Variants in ZNF461 observed in about 807,000 individuals in gnomAD.
The protein encoded by ZNF461 is gonadotropin-inducible ovarian transcription factor-1.
In ZNF461, 16 loss-of-function variants were observed where a neutral mutation model predicts 18.3. That is an observed-to-expected ratio of 0.88 (90% CI 0.59 to 1.33). ZNF461 has a LOEUF of 1.33. ZNF461 is among the 40% of genes most tolerant of loss of function. The probability of loss-of-function intolerance (pLI) is 0.00; values close to 1 mark genes in which losing one functional copy is unlikely to be tolerated. For synonymous variants in ZNF461, 179 were observed against 216.9 expected (o/e 0.83, Z 1.54); for missense variants, 595 against 669.9 (o/e 0.89, Z 1.23).
chr19:36,660,496 ATT>A (rs2037799597), intron 2 of ZNF461, among the ~76,000 whole-genome samples: 1 of 151,966 alleles, frequency 6.6e-6, no homozygotes, highest in African/African-American at 2.4e-5. Context: ...TATACCATGT[ATT>A]ATCCCTCTCT....
chr19:36,664,737 A>T lies in ZNF461; in HGVS notation c.-31T>A, dbSNP rs2037875785. 6.8e-7 allele frequency: 1 copy of T among 1,462,730 alleles called. No homozygotes were observed. The highest frequency in any genetic ancestry group is 2.6e-5 in the Admixed American group (1 of 37,754). The allele number at this position is 1,462,730 out of a possible 1,614,324, so 90.6% of individuals were successfully genotyped here. The stretch of plus-strand genomic sequence containing the variant: ...ATTTTAGAATTGAATGTATTATTTA[A>T]TCCTCTTCTTCGTTCCCTCTGGAAG... On this transcript the variant is annotated 5_prime_UTR_variant, in exon 2 of 6. Coordinates refer to ENST00000588268, the MANE Select transcript of ZNF461 (RefSeq NM_153257.5).
chr19:36,662,807 T>G (rs1002350005), intron 2 of ZNF461, among the ~76,000 whole-genome samples: 30 of 152,182 alleles, frequency 2.0e-4, no homozygotes, highest in Non-Finnish European at 5.9e-5. Context: ...TCAGATTTTG[T>G]CATTTTTTAG....
Position 36,639,195 on chromosome 19 carries a change from G to A in ZNF461, c.1150C>T (p.Pro384Ser), listed in dbSNP as rs755624794. 3 of 1,614,126 alleles carry A rather than the reference G, an allele frequency of 1.9e-6. No homozygotes were observed. The Admixed American group carries it at 5.0e-5, about 27-fold the overall frequency. Residue 384 changes from proline (P) to serine (S), a missense_variant, in exon 6 of 6, where the codon CCC becomes TCC. By Grantham distance (74) the Pro-to-Ser change is moderately conservative. Coordinates refer to ENST00000588268, the MANE Select transcript of ZNF461 (RefSeq NM_153257.5). The stretch of plus-strand genomic sequence containing the variant: ...TTCCCACATTCCCGACATTCATAGG[G>A]TTTCTCACCAGTATGAATTCTCTGA... ...IHQRIHTGEK[P>S]YECRECGKAF...
At chr19:36,641,668 T>G (rs2145366694) in intron 5 of ZNF461, among the ~76,000 whole-genome samples, 1 of 151,710 alleles carries the variant, frequency 6.6e-6, no homozygotes, top group Non-Finnish European at 1.5e-5. Context: ...ATGAATGAAT[T>G]ATTAAGGAAA....
chr19:36,639,845 A>C lies in ZNF461; in HGVS notation c.500T>G (p.Ile167Ser), dbSNP rs1015840458. 6.2e-7 allele frequency: 1 copy of C among 1,613,934 alleles called. No individual in the cohort carries two copies. The highest frequency in any genetic ancestry group is 1.7e-5 in the Admixed American group (1 of 60,012). Residue 167 changes from isoleucine to serine, a missense_variant, in exon 6 of 6, where the codon ATT becomes AGT. Coordinates refer to ENST00000588268, the MANE Select transcript of ZNF461 (RefSeq NM_153257.5). Reference protein sequence around the residue: ...QEEGYFRQLMINHENMPIFSQ... With the variant: ...QEEGYFRQLMSNHENMPIFSQ... ...AAAAATGGGCATGTTTTCATGGTTA[A>C]TCATAAGTTGTCTAAAATAACCCTC...
At chr19:36,665,708 C>CAA (rs750223990) in intron 1 of ZNF461, among the ~76,000 whole-genome samples, 26,864 of 77,540 alleles carry the variant, frequency 0.35, 4,249 homozygotes, top group Non-Finnish European at 0.38. Flanking sequence ...AACTTCGTCT[C>CAA]AAAAAAAAAA....
chr19:36,645,362 T>G (rs1047793308), intron 4 of ZNF461: 1 of 152,192 alleles, frequency 6.6e-6, no homozygotes, highest in Admixed American at 6.5e-5. Context: ...TTAAAGTGTT[T>G]ACATATTTAA....
rs2037508057 is a variant in ZNF461 at position 36,645,373 on chromosome 19, T to G, written c.233-1511A>C. Among the ~76,000 whole-genome samples the G allele has an allele frequency of 2.0e-5, 3 of 152,334 alleles. No homozygotes were observed. The South Asian group carries it at 6.2e-4, about 32-fold the overall frequency. ...TTTTTTAAAGTGTTTACATATTTAA[T>G]AAATACTTTTTTCTATTTCTTAGCA... On this transcript the variant is annotated intron_variant, in intron 4 of 5. Coordinates refer to ENST00000588268, the MANE Select transcript of ZNF461 (RefSeq NM_153257.5).
intron 2 of ZNF461, among the ~76,000 whole-genome samples, chr19:36,662,225 G>C (rs1471960914): frequency 1.3e-5 from 2 of 151,646 alleles, no homozygotes; most frequent in Non-Finnish European, 2.9e-5. Context: ...AGCATTCAAA[G>C]CTATGATTTT....
At position 36,638,938 on chromosome 19, in the gene ZNF461, A is replaced by G. The variant is rs2037353031; in HGVS notation, c.1407T>C (p.His469=). Residue 469 remains histidine (H), a synonymous_variant, in exon 6 of 6, where the codon CAT becomes CAC. Transcript: ENST00000588268. ...AGGCCTTACCACATATCATGCATTC[A>G]TGAGGTTTCTCACCAGTATGAATTC... The part of the protein sequence containing the change: ...HQRIHTGEKP[H]ECMICGKAFR... 6.2e-7 allele frequency: 1 copy of G among 1,607,730 alleles called. No homozygotes were observed. The highest frequency in any genetic ancestry group is 8.5e-7 in the Non-Finnish European group (1 of 1,175,152).
intron 4 of ZNF461, among the ~76,000 whole-genome samples, chr19:36,648,172 T>C (rs1231808301): frequency 6.7e-6 from 1 of 150,104 alleles, no homozygotes; most frequent in Non-Finnish European, 1.5e-5. Flanking sequence ...AGAATGAAAC[T>C]CCGTTTCAAA....
At chr19:36,658,518 G>C in intron 2 of ZNF461, 93 bp from the exon 3 acceptor site, 1 of 1,293,916 alleles carries the variant, frequency 7.7e-7, no homozygotes, top group Non-Finnish European at 1.1e-6. Context: ...TGCAAGGAAG[G>C]AGACAGTCTA....
At chr19:36,655,594 C>A (rs920929815) in intron 4 of ZNF461, among the ~76,000 whole-genome samples, 8 of 152,126 alleles carry the variant, frequency 5.3e-5, no homozygotes, top group African/African-American at 1.9e-4. Flanking sequence ...CAGAGTGAAA[C>A]CCTGTCTCAA....
chr19:36,658,230 C>T, intron 3 of ZNF461, 69 bp downstream of exon 3: 3 of 1,493,416 alleles, frequency 2.0e-6, no homozygotes, highest in Non-Finnish European at 2.7e-6. Flanking sequence ...GCAGAAATTC[C>T]AAGAAGTAGA....
Position 36,643,793 on chromosome 19 carries a change from C to A in ZNF461, c.301+1G>T. The A allele has an allele frequency of 6.5e-7, 1 of 1,529,030 alleles. No individual in the cohort carries two copies. Among genetic ancestry groups the A allele is most frequent in the Non-Finnish European group, 8.8e-7 (1 of 1,137,674 alleles). The allele number at this position is 1,529,030 out of a possible 1,614,324, so 94.7% of individuals were successfully genotyped here. A position where few individuals can be genotyped will look rare whatever the true frequency, so the allele number is the denominator to read the frequency against. The stretch of plus-strand genomic sequence containing the variant: ...CTCTTAAAAACTGTATTTATTTATA[C>A]CTGCATTTATGTCTGTAGCCTCATT... On this transcript the variant is annotated splice_donor_variant, in intron 5 of 5. Transcript: ENST00000588268. LOFTEE classifies it high-confidence loss of function.
intron 2 of ZNF461, among the ~76,000 whole-genome samples, chr19:36,661,792 A>C (rs570879234): frequency 2.0e-5 from 3 of 152,268 alleles, no homozygotes; most frequent in African/African-American, 7.2e-5. Context: ...AGGAAAAGCA[A>C]CTAGACATTT....
In ZNF461 at chr19:36,643,815, C is replaced by A; in HGVS notation, c.280G>T (p.Glu94Ter). 1 of 1,541,484 alleles carries A rather than the reference C, an allele frequency of 6.5e-7. No individual in the cohort carries two copies. Among genetic ancestry groups the A allele is most frequent in the Non-Finnish European group, 8.8e-7 (1 of 1,141,804 alleles). The change falls in exon 5 of 6, where the codon GAG (glutamate) becomes TAG (stop). Residue 94 changes from glutamate to a stop codon, truncating the protein, a stop_gained. Coordinates refer to ENST00000588268, the MANE Select transcript of ZNF461 (RefSeq NM_153257.5). LOFTEE classifies it low-confidence loss of function (END_TRUNC). ...GFHNNFLDNN[E>*]ATDINADLAS... is the part of the protein sequence containing the mutation. ...ATACCTGCATTTATGTCTGTAGCCT[C>A]ATTATTGTCCAAGAAATTATTGTGA...
chr19:36,654,214 G>C (rs1042527501), intron 4 of ZNF461, among the ~76,000 whole-genome samples: 2 of 152,100 alleles, frequency 1.3e-5, no homozygotes, highest in African/African-American at 4.8e-5. Context: ...AACTGGTAAA[G>C]GAATGTTATC....
chr19:36,646,863 A>T (rs2037538026), intron 4 of ZNF461, among the ~76,000 whole-genome samples: 1 of 152,234 alleles, frequency 6.6e-6, no homozygotes, highest in South Asian at 2.1e-4. Flanking sequence ...TATTATTTTT[A>T]AATGAATTAA....
Sources: gnomAD v4.1 joint callset for allele counts (sites outside exome capture counted in the v4.1 genomes callset) on GRCh38, gnomAD v4.1.1 for gene constraint, MANE v1.5 for transcripts, NCBI Gene and HGNC (gene_info 2026-07-23, HGNC 2026-07-21) for gene names.